The following CD22 variants were observed in gnomAD, a reference collection of about 807,000 sequenced individuals.
CD22 encodes B-cell receptor CD22.
CD22 carries 51 observed loss-of-function variants against 94.7 expected under a neutral mutation model. The ratio of observed to expected loss-of-function variants is 0.54; its 90% CI spans 0.43 to 0.68. CD22 has a LOEUF of 0.68. CD22 is among the 30% of genes least tolerant of loss of function. The probability of loss-of-function intolerance (pLI) is 0.00; values close to 1 mark genes in which losing one functional copy is unlikely to be tolerated. For synonymous variants in CD22, 424 were observed against 422.5 expected, an observed-to-expected ratio of 1.00 and a Z score of -0.04; for missense variants, 931 against 1,060.4, an observed-to-expected ratio of 0.88 and a Z score of 1.69.
At position 35,333,150 on chromosome 19, in the gene CD22, T is replaced by A. The variant is rs940874245; in HGVS notation, c.412+226T>A. 1.1e-5 allele frequency: 6 copies of A among 539,012 alleles called. No homozygotes were observed. In the African/African-American group the frequency reaches 1.1e-4, roughly 10 times the overall value. The allele number at this position is 539,012 out of a possible 1,614,324, so 33.4% of individuals were successfully genotyped here. ...CCCCTCTGGGACCTGGATTCCAAAG[T>A]TATCGGATCTCCTGATCTTTCCCTC... is the stretch of plus-strand genomic sequence containing the variant. On this transcript the variant is annotated intron_variant, in intron 3 of 13. Coordinates refer to ENST00000085219, the MANE Select transcript of CD22 (RefSeq NM_001771.4).
In CD22 at chr19:35,345,733, C is replaced by G. The variant is rs1206661486; in HGVS notation, c.2327+13C>G. 2.6e-6 allele frequency: 4 copies of G among 1,550,028 alleles called. No homozygotes were observed. The highest frequency in any genetic ancestry group is 1.7e-5 in the Admixed American group (1 of 59,892). On this transcript the variant is annotated intron_variant, in intron 12 of 13. Transcript: ENST00000085219. ...TACCACGAACTGGGTACTGAGGGTA[C>G]CAGGAGGGTGACCCTGCACCCTGGG...
At chr19:35,339,903 C>T (rs748204395) in intron 6 of CD22, among the ~76,000 whole-genome samples, 22 of 152,152 alleles carry the variant, frequency 1.4e-4, no homozygotes, top group Non-Finnish European at 2.5e-4. Flanking sequence ...ATGAGGGACA[C>T]AGAGACTTAG....
In CD22 at chr19:35,341,486, G is replaced by A. The variant is rs35715143; in HGVS notation, c.1651G>A (p.Gly551Arg). Reference protein sequence around the residue: ...FFWEKNGRLLGKESQLNFDSI... With the variant: ...FFWEKNGRLLRKESQLNFDSI... ...CTGGGAGAAAAATGGCAGGCTTCTG[G>A]GGAAAGAAAGCCAGCTGAATTTTGA... Residue 551 changes from glycine (G) to arginine (R), a missense_variant, in exon 8 of 14, where the codon GGG (glycine) becomes AGG (arginine). Transcript: ENST00000085219. This position sits in a 1 kb window ranked among gnomAD's most constrained non-coding sequence, Gnocchi z 4.0. 3,960 of 1,614,148 alleles carry A rather than the reference G, an allele frequency of 2.5e-3. 97 individuals are homozygous for A. In the African/African-American group the frequency reaches 0.047, roughly 19 times the overall value.
At chr19:35,335,586 C>T (rs758951479) in intron 3 of CD22, among the ~76,000 whole-genome samples, 21 of 143,552 alleles carry the variant, frequency 1.5e-4, no homozygotes, top group Middle Eastern at 4.9e-3. Context: ...GGTGTGGTGG[C>T]TTACACCTGT....
chr19:35,344,976 G>A (rs374090417), intron 10 of CD22, 51 bp downstream of exon 10: 49 of 1,594,126 alleles, frequency 3.1e-5, no homozygotes, highest in East Asian at 6.7e-5. Context: ...GCAGAGGCCC[G>A]TGTCCAGTTG....
chr19:35,338,865 G>T (rs1256623938), intron 6 of CD22, among the ~76,000 whole-genome samples: 1 of 151,766 alleles, frequency 6.6e-6, no homozygotes, highest in Non-Finnish European at 1.5e-5. Context: ...TCCTGACCTC[G>T]TGATCCACCC....
chr19:35,345,445 A>AT, intron 11 of CD22, 157 bp from the exon 12 acceptor site: 3 of 515,932 alleles, frequency 5.8e-6, no homozygotes, highest in Non-Finnish European at 1.0e-5. Context: ...AAAAAAAAAA[A>AT]GGGTAGGCAT....
In CD22 at chr19:35,346,834, A is replaced by C; in HGVS notation, c.*137A>C. On this transcript the variant is annotated 3_prime_UTR_variant, in exon 14 of 14. Coordinates refer to ENST00000085219, the MANE Select transcript of CD22 (RefSeq NM_001771.4). ...CACACACACGCACACACACACACAC[A>C]CACTCACTGCGGAGAACCTTGTGCC... The C allele has an allele frequency of 2.4e-6, 2 of 843,820 alleles. No individual in the cohort carries two copies. Among genetic ancestry groups the C allele is most frequent in the Non-Finnish European group, 3.6e-6 (2 of 560,234 alleles). The allele number at this position is 843,820 out of a possible 1,614,324, so 52.3% of individuals were successfully genotyped here. A position where few individuals can be genotyped will look rare whatever the true frequency, so the allele number is the denominator to read the frequency against.
At position 35,345,141 on chromosome 19, in the gene CD22, G is replaced by A. The variant is rs1313105670; in HGVS notation, c.2208+15G>A. ...GGAATAAAAAGGTAGGATGGGGCTGGGCACGATGGCTCATGCCTGTAATCC... is the reference window on the plus strand; with the variant it reads ...GGAATAAAAAGGTAGGATGGGGCTGAGCACGATGGCTCATGCCTGTAATCC... On this transcript the variant is annotated intron_variant, in intron 11 of 13. Transcript: ENST00000085219. 6.2e-7 allele frequency: 1 copy of A among 1,611,876 alleles called. No individual in the cohort carries two copies.
In CD22 at chr19:35,332,703, A is replaced by G. The variant is rs1568484019; in HGVS notation, c.191A>G (p.Tyr64Cys). 1.9e-6 allele frequency: 3 copies of G among 1,614,162 alleles called. No individual in the cohort carries two copies. The highest frequency in any genetic ancestry group is 2.5e-6 in the Non-Finnish European group (3 of 1,180,036). ...TTCATCCTGTTCCACAATCCTGAGT[A>G]TAACAAGAACACCTCGAAGTTTGAT... ...ESFILFHNPEYNKNTSKFDGT... is the reference protein window; with the variant it reads ...ESFILFHNPECNKNTSKFDGT... Residue 64 changes from tyrosine to cysteine, a missense_variant, in exon 3 of 14, where the codon TAT (tyrosine) becomes TGT (cysteine). Coordinates refer to ENST00000085219, the MANE Select transcript of CD22 (RefSeq NM_001771.4).
intron 4 of CD22, chr19:35,336,599 G>A: frequency 2.0e-6 from 1 of 494,638 alleles, no homozygotes; most frequent in Non-Finnish European, 3.6e-6. Flanking sequence ...CCTCTTGGTG[G>A]GGATTTTTTT....
intron 11 of CD22, 182 bp from the exon 12 acceptor site, chr19:35,345,420 C>CAAAA (rs61349223): frequency 1.3e-3 from 210 of 156,692 alleles, no homozygotes; most frequent in South Asian, 3.3e-3. Flanking sequence ...GACTCTGCCT[C>CAAAA]AAAAAAAAAA....
At chr19:35,333,405 C>T (rs779196685) in intron 3 of CD22, among the ~76,000 whole-genome samples, 27 of 152,274 alleles carry the variant, frequency 1.8e-4, no homozygotes, top group Non-Finnish European at 3.2e-4. Context: ...GGGTGTGGAA[C>T]GGAGTAACCA....
At chr19:35,332,515 C>T in intron 2 of CD22, 32 bp from the exon 3 acceptor site, 1 of 1,554,558 alleles carries the variant, frequency 6.4e-7, no homozygotes, top group Non-Finnish European at 8.7e-7. Context: ...TCTCATGCCC[C>T]CTTAGTAATG....
intron 1 of CD22, 116 bp from the exon 2 acceptor site, chr19:35,331,903 C>A (rs2066650485): frequency 1.9e-6 from 3 of 1,571,146 alleles, no homozygotes; most frequent in African/African-American, 2.7e-5. Flanking sequence ...ATAATGCAAC[C>A]AGACCCGGTC....
At chr19:35,343,367 T>A (rs1390636057) in intron 9 of CD22, among the ~76,000 whole-genome samples, 2 of 152,154 alleles carry the variant, frequency 1.3e-5, no homozygotes, top group East Asian at 3.8e-4. Flanking sequence ...CCAAAGGTCC[T>A]CACTGCACAC....
At position 35,341,049 on chromosome 19, in the gene CD22, A is replaced by G; in HGVS notation, c.1418A>G (p.Gln473Arg). The G allele has an allele frequency of 1.2e-6, 2 of 1,614,228 alleles. No individual in the cohort carries two copies. Among genetic ancestry groups the G allele is most frequent in the Non-Finnish European group, 1.7e-6 (2 of 1,180,030 alleles). Residue 473 changes from glutamine to arginine, a missense_variant, in exon 7 of 14, where the codon CAA (glutamine) becomes CGA (arginine). Transcript: ENST00000085219. This position sits in a 1 kb window ranked among gnomAD's most constrained non-coding sequence, Gnocchi z 4.0. The stretch of plus-strand genomic sequence containing the variant: ...CCATCGCTTGGGGTGCTGAAGATCC[A>G]AAACGTTGGCTGGGACAACACAACC... ...EEPSLGVLKI[Q>R]NVGWDNTTIA...
At position 35,346,605 on chromosome 19, in the gene CD22, G is replaced by A. The variant is rs915357699; in HGVS notation, c.2452G>A (p.Glu818Lys). 1.7e-5 allele frequency: 27 copies of A among 1,605,862 alleles called. No individual in the cohort carries two copies. Among genetic ancestry groups the A allele is most frequent in the Non-Finnish European group, 2.2e-5 (26 of 1,175,744 alleles). ...ENVIPDFPED[E>K]GIHYSELIQF... is the part of the protein sequence containing the mutation. ...CGTCATTCCAGATTTTCCAGAAGATGAGGGGATTCATTACTCAGAGCTGAT... is the reference window on the plus strand; with the variant it reads ...CGTCATTCCAGATTTTCCAGAAGATAAGGGGATTCATTACTCAGAGCTGAT... Residue 818 changes from glutamate to lysine, a missense_variant, in exon 14 of 14, where the codon GAG becomes AAG. Transcript: ENST00000085219.
At chr19:35,333,454 G>T (rs1409745304) in intron 3 of CD22, among the ~76,000 whole-genome samples, 1 of 152,158 alleles carries the variant, frequency 6.6e-6, no homozygotes, top group African/African-American at 2.4e-5. Context: ...GTGTTTGATG[G>T]GTCAAATCCA....
Sources: allele counts gnomAD v4.1 joint callset (sites outside exome capture counted in the v4.1 genomes callset), GRCh38; gene constraint gnomAD v4.1.1; non-coding constraint Gnocchi (gnomAD v3.1); transcripts MANE v1.5; gene names NCBI Gene and HGNC (gene_info 2026-07-23, HGNC 2026-07-21).